NOSTRIN: variants seen among roughly 807,000 people sequenced by gnomAD.
The protein encoded by NOSTRIN is nitric oxide synthase trafficking.
A neutral mutation model predicts 59.0 loss-of-function variants in NOSTRIN; 63 were observed. The ratio of observed to expected loss-of-function variants is 1.07; its 90% confidence interval spans 0.87 to 1.32. NOSTRIN has a LOEUF of 1.32. Ranked by LOEUF, NOSTRIN falls within the 40% of genes most tolerant of loss-of-function variation. The pLI is 0.00. For missense variants in NOSTRIN, 512 were observed against 473.1 expected (o/e 1.08, Z -0.76); for synonymous variants, 200 against 165.4 (o/e 1.21, Z -1.61).
At chr2:168,806,797 C>T (rs1382506416) in intron 1 of NOSTRIN, among the ~76,000 whole-genome samples, 1 of 152,110 alleles carries the variant, frequency 6.6e-6, no homozygotes, top group Non-Finnish European at 1.5e-5. Flanking sequence ...TATTTAAAAG[C>T]TCAATGGGTA....
intron 8 of NOSTRIN, among the ~76,000 whole-genome samples, chr2:168,844,851 C>T (rs1688316779): frequency 6.8e-6 from 1 of 146,376 alleles, no homozygotes; most frequent in Non-Finnish European, 1.5e-5. Context: ...GCCTAGGCGA[C>T]AGAGCAAGAC....
chr2:168,798,458 C>T (rs576834487), upstream of NOSTRIN, among the ~76,000 whole-genome samples: 146 of 152,252 alleles, frequency 9.6e-4, no homozygotes, highest in African/African-American at 3.4e-3. Flanking sequence ...TTGTTAACTC[C>T]CCTTAGAGGC....
Position 168,804,178 on chromosome 2 carries a change from G to C in NOSTRIN, c.27+1505G>C, listed in dbSNP as rs544466041. Among the ~76,000 whole-genome samples the C allele has an allele frequency of 2.0e-5, 3 of 152,300 alleles. No homozygotes were observed. The East Asian group carries it at 5.8e-4, about 29-fold the overall frequency. On this transcript the variant is annotated intron_variant, in intron 1 of 15. Coordinates refer to ENST00000317647, the MANE Select transcript of NOSTRIN (RefSeq NM_001039724.4). ...CAGCAAAGTCAAGTCTTCAGACGTG[G>C]AGAAATGTTTTCTTTCAGCAGCCCC...
At chr2:168,813,416 G>T (rs1373841160) in intron 2 of NOSTRIN, among the ~76,000 whole-genome samples, 1 of 152,192 alleles carries the variant, frequency 6.6e-6, no homozygotes, top group Admixed American at 6.5e-5. Flanking sequence ...CTCTGAGGGA[G>T]TCTCTGCTTG....
intron 7 of NOSTRIN, among the ~76,000 whole-genome samples, chr2:168,834,930 AG>A (rs1484264638): frequency 1.3e-5 from 2 of 152,238 alleles, no homozygotes; most frequent in Non-Finnish European, 2.9e-5. Flanking sequence ...GATGAAATAA[AG>A]ATGAAATAAT....
Position 168,859,501 on chromosome 2 carries a change from T to G in NOSTRIN, c.1054-11T>G. ...GAAATTTGCTCACATGGCCAAATGA[T>G]GTATCCACAGAACAATTTGAAACTA... On this transcript the variant is annotated splice_polypyrimidine_tract_variant and intron_variant, in intron 12 of 15. Coordinates refer to ENST00000317647, the MANE Select transcript of NOSTRIN (RefSeq NM_001039724.4). 1.9e-6 allele frequency: 3 copies of G among 1,613,206 alleles called. No homozygotes were observed. The highest frequency in any genetic ancestry group is 2.5e-6 in the Non-Finnish European group (3 of 1,179,666).
At chr2:168,845,716 C>A (rs1688374322) in intron 8 of NOSTRIN, among the ~76,000 whole-genome samples, 1 of 151,544 alleles carries the variant, frequency 6.6e-6, no homozygotes, top group East Asian at 1.9e-4. Context: ...GGTATACATT[C>A]ATTTACATTT....
rs763199972 is a variant in NOSTRIN, at chr2:168,855,750, T to A, written c.964+290T>A. ...TTTTAACTGTGTTTCTGAAATTGGCTAGAATGAGAGATAATGTGTTTGGTT... is the reference window on the plus strand; with the variant it reads ...TTTTAACTGTGTTTCTGAAATTGGCAAGAATGAGAGATAATGTGTTTGGTT... On this transcript the variant is annotated intron_variant, in intron 11 of 15. Transcript: ENST00000317647. 101 of 405,216 alleles carry A rather than the reference T, an allele frequency of 2.5e-4. 1 individual carries two copies. The highest frequency in any genetic ancestry group is 3.9e-4 in the Non-Finnish European group (87 of 221,844). The allele number at this position is 405,216 out of a possible 1,614,324, so 25.1% of individuals were successfully genotyped here.
chr2:168,859,761 T>C (rs1029297531), intron 13 of NOSTRIN, 124 bp downstream of exon 13: 3 of 1,254,634 alleles, frequency 2.4e-6, no homozygotes, highest in Non-Finnish European at 3.2e-6. Context: ...ATGCAGTTAG[T>C]TAAGAAGATA....
In NOSTRIN at chr2:168,861,877, C is replaced by T. The variant is rs1199105252; in HGVS notation, c.1295-83C>T. On this transcript the variant is annotated intron_variant, in intron 14 of 15. Transcript: ENST00000317647. ...TTTAATATATTGAAACTCTGCATCA[C>T]ACTGTTAAATAACCAAAGAGCTTCA... The T allele has an allele frequency of 3.2e-6, 4 of 1,232,770 alleles. No individual in the cohort carries two copies. In the South Asian group the frequency reaches 3.9e-5, roughly 12 times the overall value. The allele number at this position is 1,232,770 out of a possible 1,614,324, so 76.4% of individuals were successfully genotyped here. A position where few individuals can be genotyped will look rare whatever the true frequency, so the allele number is the denominator to read the frequency against.
At chr2:168,854,027 C>T (rs1049429041) in intron 10 of NOSTRIN, among the ~76,000 whole-genome samples, 9 of 152,068 alleles carry the variant, frequency 5.9e-5, no homozygotes, top group African/African-American at 2.2e-4. Flanking sequence ...ACCACCACGC[C>T]CGGCTAATTT....
rs533178629 is a variant in NOSTRIN, at chr2:168,830,283, C to T, written c.343-1189C>T. ...TAGTTAATGGATGTCATGAGCACCC[C>T]CGAAATGCTTGTCCTGTTTTTCTTC... On this transcript the variant is annotated intron_variant, in intron 5 of 15. Transcript: ENST00000317647. Among the ~76,000 whole-genome samples the T allele has an allele frequency of 6.6e-5, 10 of 152,264 alleles. No homozygotes were observed. The East Asian group carries it at 1.9e-3, about 29-fold the overall frequency.
chr2:168,835,912 A>AC (rs1687689714), intron 7 of NOSTRIN, among the ~76,000 whole-genome samples: 2 of 152,172 alleles, frequency 1.3e-5, no homozygotes, highest in Non-Finnish European at 2.9e-5. Flanking sequence ...ATTATCTTGC[A>AC]CCCCTCTTGT....
chr2:168,824,190 C>T (rs1421990507), intron 2 of NOSTRIN, among the ~76,000 whole-genome samples: 1 of 152,212 alleles, frequency 6.6e-6, no homozygotes, highest in Non-Finnish European at 1.5e-5. Flanking sequence ...CAAATCATCT[C>T]TTCTTTACGT....
At chr2:168,860,969 T>C (rs1689409112) in intron 14 of NOSTRIN, 60 bp downstream of exon 14, 1 of 1,096,660 alleles carries the variant, frequency 9.1e-7, no homozygotes, top group Non-Finnish European at 1.4e-6. Flanking sequence ...CATTGCTACA[T>C]TTAAATTTTA....
intron 7 of NOSTRIN, among the ~76,000 whole-genome samples, chr2:168,836,293 T>C (rs990198343): frequency 4.6e-5 from 7 of 152,150 alleles, no homozygotes; most frequent in African/African-American, 1.7e-4. Flanking sequence ...CATGCAATAA[T>C]AAAGAAAAAA....
chr2:168,794,921 C>A (rs184341888), upstream of NOSTRIN, among the ~76,000 whole-genome samples: 1 of 152,242 alleles, frequency 6.6e-6, no homozygotes, highest in Admixed American at 6.5e-5. Flanking sequence ...ACAGGTATTG[C>A]AGGCACAGCA....
chr2:168,864,816 C>G lies in NOSTRIN; in HGVS notation c.1385-18C>G, dbSNP rs1411221838. The G allele has an allele frequency of 6.2e-7, 1 of 1,613,280 alleles. No homozygotes were observed. The highest frequency in any genetic ancestry group is 2.2e-5 in the East Asian group (1 of 44,864). On this transcript the variant is annotated intron_variant, in intron 15 of 15. Transcript: ENST00000317647. ...GTTCACATCACAGAGACCCATTTGTCTAACTGTATTTTCACAGGTGACATT... is the reference window on the plus strand; with the variant it reads ...GTTCACATCACAGAGACCCATTTGTGTAACTGTATTTTCACAGGTGACATT...
intron 8 of NOSTRIN, among the ~76,000 whole-genome samples, chr2:168,844,144 T>C (rs974133616): frequency 6.6e-6 from 1 of 152,226 alleles, no homozygotes; most frequent in African/African-American, 2.4e-5. Flanking sequence ...GCGCAAACTA[T>C]ACTGAGTTTA....
Sources: gnomAD v4.1 joint callset for allele counts (sites outside exome capture counted in the v4.1 genomes callset) on GRCh38, gnomAD v4.1.1 for gene constraint, MANE v1.5 for transcripts, NCBI Gene and HGNC (gene_info 2026-07-23, HGNC 2026-07-21) for gene names.